Variants in EXOC6B observed in about 807,000 individuals in gnomAD.
EXOC6B encodes SEC15 homolog B.
In EXOC6B, 54 loss-of-function variants were observed where a neutral mutation model predicts 113.5. That is an observed-to-expected ratio of 0.48 (90% CI 0.38 to 0.60). EXOC6B has a LOEUF of 0.60. Among genes scored for constraint, EXOC6B ranks in the 20% least tolerant of loss-of-function variants. The pLI is 0.00. For synonymous variants in EXOC6B, 357 were observed against 339.0 expected (o/e 1.05, Z -0.58); for missense variants, 797 against 977.5 (o/e 0.82, Z 2.46).
At position 72,379,704 on chromosome 2, in the gene EXOC6B, AGCACAGG is replaced by A. The variant is rs750733851; in HGVS notation, c.2122+18_2122+24del. 1.3e-6 allele frequency: 2 copies of A among 1,569,970 alleles called. No homozygotes were observed. Among genetic ancestry groups the A allele is most frequent in the Non-Finnish European group, 1.7e-6 (2 of 1,153,618 alleles). The stretch of plus-strand genomic sequence containing the variant: ...AATGAGTTTGCTGGTAAGATAAACA[AGCACAGG>A]GATGGTCACTGTCTTACGTTCACAT... On this transcript the variant is annotated intron_variant, in intron 19 of 21. Coordinates refer to ENST00000272427, the MANE Select transcript of EXOC6B (RefSeq NM_015189.3).
chr2:72,635,500 C>G (rs1377482517), intron 6 of EXOC6B, among the ~76,000 whole-genome samples: 2 of 152,100 alleles, frequency 1.3e-5, no homozygotes, highest in Admixed American at 6.6e-5. Flanking sequence ...AAGTACCACA[C>G]CTTCCCCCAA....
In EXOC6B at chr2:72,631,426, G is replaced by GTGTGTA. The variant is rs1290760055; in HGVS notation, c.670-55759_670-55758insTACACA. 9.2e-4 allele frequency among the ~76,000 whole-genome samples: 26 copies of GTGTGTA among 28,182 alleles called. 1 individual carries two copies. The highest frequency in any genetic ancestry group is 2.8e-3 in the African/African-American group (24 of 8,664). 18.5% of individuals were successfully genotyped at this position (28,182 alleles called of 152,430 possible). ...TGTATATGTGTGTGTGTGTGTGTGT[G>GTGTGTA]TATATATATATATATATATATATAT... On this transcript the variant is annotated intron_variant, in intron 6 of 21. Coordinates refer to ENST00000272427, the MANE Select transcript of EXOC6B (RefSeq NM_015189.3).
chr2:72,228,409 C>A, intron 20 of EXOC6B, among the ~76,000 whole-genome samples: 2 of 124,610 alleles, frequency 1.6e-5, no homozygotes, highest in African/African-American at 2.9e-5. Context: ...TAATGCTATC[C>A]CTCCCCCCTC....
At chr2:72,531,973 G>A (rs368264097) in intron 8 of EXOC6B, among the ~76,000 whole-genome samples, 5 of 152,050 alleles carry the variant, frequency 3.3e-5, no homozygotes, top group Admixed American at 2.6e-4. Flanking sequence ...TGACAAGAGC[G>A]AGACTCCTTC....
At chr2:72,398,971 C>G (rs1392278820) in intron 18 of EXOC6B, among the ~76,000 whole-genome samples, 2 of 149,918 alleles carry the variant, frequency 1.3e-5, no homozygotes, top group Non-Finnish European at 3.0e-5. Flanking sequence ...TTCTATGAAG[C>G]CAGTATCACC....
intron 20 of EXOC6B, among the ~76,000 whole-genome samples, chr2:72,252,061 T>G (rs1683056080): frequency 1.3e-5 from 2 of 152,140 alleles, no homozygotes; most frequent in Non-Finnish European, 2.9e-5. Flanking sequence ...CTCCCTAAAA[T>G]CATCAACTTT....
intron 6 of EXOC6B, among the ~76,000 whole-genome samples, chr2:72,638,382 T>G (rs144908565): frequency 6.7e-6 from 1 of 149,088 alleles, no homozygotes; most frequent in East Asian, 2.0e-4. Flanking sequence ...TGGAGGGGAG[T>G]GCAGGATGGC....
intron 6 of EXOC6B, among the ~76,000 whole-genome samples, chr2:72,580,247 T>A (rs975579028): frequency 6.7e-6 from 1 of 149,852 alleles, no homozygotes; most frequent in Non-Finnish European, 1.5e-5. Flanking sequence ...GTTCAAGCGA[T>A]TCTCATGCCT....
At chr2:72,798,361 T>C (rs546713047) in intron 1 of EXOC6B, among the ~76,000 whole-genome samples, 2 of 151,626 alleles carry the variant, frequency 1.3e-5, no homozygotes, top group South Asian at 2.1e-4. Context: ...CAAATTCTAA[T>C]TGAAAAAAAA....
In EXOC6B at chr2:72,426,995, G is replaced by A. The variant is rs531563399; in HGVS notation, c.1980+38165C>T. Among the ~76,000 whole-genome samples, 81 of 152,306 alleles carry A rather than the reference G, an allele frequency of 5.3e-4. 1 individual carries two copies. The highest frequency in any genetic ancestry group is 1.9e-3 in the African/African-American group (78 of 41,576). On this transcript the variant is annotated intron_variant, in intron 18 of 21. Transcript: ENST00000272427. The stretch of plus-strand genomic sequence containing the variant: ...CCAGACGGGATGGGCTCCCAGGCCC[G>A]GAGCCTCAGCCACTCCAGACCCTGG...
chr2:72,526,305 G>A (rs1306679843), intron 8 of EXOC6B, among the ~76,000 whole-genome samples: 1 of 151,704 alleles, frequency 6.6e-6, no homozygotes, highest in African/African-American at 2.4e-5. Flanking sequence ...TTAAACAGAA[G>A]GTACAGTATA....
intron 16 of EXOC6B, among the ~76,000 whole-genome samples, chr2:72,489,666 C>A (rs1281899685): frequency 6.6e-6 from 1 of 152,136 alleles, no homozygotes; most frequent in Non-Finnish European, 1.5e-5. Context: ...GGAACCCAGG[C>A]AGTATATATT....
At chr2:72,297,566 C>G (rs760410493) in intron 20 of EXOC6B, among the ~76,000 whole-genome samples, 22 of 152,116 alleles carry the variant, frequency 1.4e-4, no homozygotes, top group Admixed American at 9.8e-4. Flanking sequence ...TGTGTTTGCT[C>G]TTGCTTCTCT....
chr2:72,648,111 T>C (rs1452338019), intron 6 of EXOC6B, among the ~76,000 whole-genome samples: 2 of 152,106 alleles, frequency 1.3e-5, no homozygotes, highest in Non-Finnish European at 2.9e-5. Context: ...CATCAAAAAG[T>C]GGGCAAAGGA....
At chr2:72,359,259 G>A (rs578154510) in intron 19 of EXOC6B, among the ~76,000 whole-genome samples, 9 of 152,262 alleles carry the variant, frequency 5.9e-5, no homozygotes, top group African/African-American at 2.2e-4. Flanking sequence ...GTTTTTAGGA[G>A]GTGATTAGGG....
chr2:72,708,770 C>T lies in EXOC6B; in HGVS notation c.669+9333G>A, dbSNP rs144017801. 4.0e-3 allele frequency among the ~76,000 whole-genome samples: 614 copies of T among 152,228 alleles called. 2 individuals carry two copies. Among genetic ancestry groups the T allele is most frequent in the African/African-American group, 0.014 (563 of 41,536 alleles). ...TCACAGACAGATTCTTGCTCTGTCA[C>T]CCAGGCTGGACTACACTGCTGCAAT... On this transcript the variant is annotated intron_variant, in intron 6 of 21. Coordinates refer to ENST00000272427, the MANE Select transcript of EXOC6B (RefSeq NM_015189.3).
chr2:72,733,077 T>C lies in EXOC6B; in HGVS notation c.321A>G (p.Gly107=), dbSNP rs770287738. The change falls in exon 3 of 22, where the codon GGA becomes GGG. Residue 107 remains glycine, a synonymous_variant. Coordinates refer to ENST00000272427, the MANE Select transcript of EXOC6B (RefSeq NM_015189.3). ...TDTNRKLQHE[G]KELVIAMEEL... is the part of the protein sequence containing the mutation. ...AAAGGTAAACTGGTCTTACTTCCTT[T>C]CCCTCATGTTGTAGTTTTCTATTAG... 2 of 1,590,530 alleles carry C rather than the reference T, an allele frequency of 1.3e-6. No individual in the cohort carries two copies. The highest frequency in any genetic ancestry group is 3.5e-5 in the Admixed American group (2 of 57,264).
intron 20 of EXOC6B, among the ~76,000 whole-genome samples, chr2:72,249,825 T>C (rs1335541576): frequency 1.3e-5 from 2 of 152,204 alleles, no homozygotes; most frequent in African/African-American, 4.8e-5. Flanking sequence ...TTTACCTAAT[T>C]AATAGCTGGT....
At chr2:72,234,853 T>C (rs1681856156) in intron 20 of EXOC6B, among the ~76,000 whole-genome samples, 1 of 152,166 alleles carries the variant, frequency 6.6e-6, no homozygotes, top group Non-Finnish European at 1.5e-5. Flanking sequence ...CACCATCTCA[T>C]ACCAGTCAGA....
Sources: allele counts gnomAD v4.1 joint callset (sites outside exome capture counted in the v4.1 genomes callset), GRCh38; gene constraint gnomAD v4.1.1; transcripts MANE v1.5; gene names NCBI Gene and HGNC (gene_info 2026-07-23, HGNC 2026-07-21).